Variants in FAT3 observed in about 807,000 individuals in gnomAD.
FAT3 encodes the protein protocadherin Fat 3.
A neutral mutation model predicts 310.2 loss-of-function variants in FAT3; 95 were observed. The observed-to-expected ratio is 0.31, with a 90% confidence interval of 0.26 to 0.36. The LOEUF is 0.36. FAT3 is among the 10% of genes least tolerant of loss of function. The probability of loss-of-function intolerance (pLI) is 1.00; values close to 1 mark genes in which losing one functional copy is unlikely to be tolerated. For missense variants in FAT3, 5,408 were observed against 5,715.6 expected, an observed-to-expected ratio of 0.95 and a Z score of 1.74; for synonymous variants, 2,314 against 2,192.9, an observed-to-expected ratio of 1.06 and a Z score of -1.54.
At chr11:92,274,066 TA>T (rs1244543469) in intron 1 of FAT3, among the ~76,000 whole-genome samples, 1 of 152,138 alleles carries the variant, frequency 6.6e-6, no homozygotes, top group Non-Finnish European at 1.5e-5. Flanking sequence ...GCTTCCTTAT[TA>T]AAAAATTAAG....
At chr11:92,497,172 G>C (rs2135258704) in intron 2 of FAT3, among the ~76,000 whole-genome samples, 1 of 152,044 alleles carries the variant, frequency 6.6e-6, no homozygotes, top group South Asian at 2.1e-4. Context: ...CTAATTTAGT[G>C]CCCAGCTAGT....
intron 3 of FAT3, among the ~76,000 whole-genome samples, chr11:92,627,133 C>G (rs1358172945): frequency 3.9e-5 from 6 of 152,104 alleles, no homozygotes; most frequent in African/African-American, 1.4e-4. Context: ...TTGTCTAATA[C>G]TTGGGGTCTT....
intron 2 of FAT3, chr11:92,400,745 A>T (rs1949995217): frequency 6.6e-6 from 1 of 152,140 alleles, no homozygotes; most frequent in South Asian, 2.1e-4. Context: ...TAAATATAAT[A>T]CATAATAAAG....
intron 2 of FAT3, among the ~76,000 whole-genome samples, chr11:92,518,424 C>A (rs1953565821): frequency 6.6e-6 from 1 of 151,992 alleles, no homozygotes; most frequent in Non-Finnish European, 1.5e-5. Flanking sequence ...GAAAACCAGA[C>A]CCTGCACGTT....
chr11:92,538,950 C>T (rs930047901), intron 3 of FAT3, among the ~76,000 whole-genome samples: 35 of 152,036 alleles, frequency 2.3e-4, no homozygotes, highest in African/African-American at 6.8e-4. Flanking sequence ...AGGCAGAAAA[C>T]GCTCAGCCTC....
intron 2 of FAT3, among the ~76,000 whole-genome samples, chr11:92,463,392 G>C (rs1365687453): frequency 6.6e-6 from 1 of 152,124 alleles, no homozygotes; most frequent in Non-Finnish European, 1.5e-5. Flanking sequence ...CAAATTCCAG[G>C]TCTGCCAGCT....
chr11:92,606,120 T>G (rs918370913), intron 3 of FAT3, among the ~76,000 whole-genome samples: 2 of 152,200 alleles, frequency 1.3e-5, no homozygotes, highest in African/African-American at 4.8e-5. Context: ...GACTCCCTCC[T>G]GATTTATATT....
At chr11:92,491,494 T>TA (rs1215073075) in intron 2 of FAT3, among the ~76,000 whole-genome samples, 6 of 152,026 alleles carry the variant, frequency 3.9e-5, no homozygotes, top group African/African-American at 1.2e-4. Flanking sequence ...ATTTTGAAGA[T>TA]AATTTAAAAT....
chr11:92,872,751 T>C (rs1413501590), intron 22 of FAT3, among the ~76,000 whole-genome samples: 2 of 152,218 alleles, frequency 1.3e-5, no homozygotes, highest in African/African-American at 4.8e-5. Context: ...GAGCCAGCTT[T>C]CCTAGGGAAA....
intron 2 of FAT3, among the ~76,000 whole-genome samples, chr11:92,357,828 C>T (rs549032158): frequency 2.0e-4 from 30 of 151,812 alleles, no homozygotes; most frequent in African/African-American, 4.8e-4. Flanking sequence ...AGAAAAGATA[C>T]GTATCTGCAT....
At chr11:92,493,254 T>C (rs1464147745) in intron 2 of FAT3, among the ~76,000 whole-genome samples, 1 of 152,046 alleles carries the variant, frequency 6.6e-6, no homozygotes, top group African/African-American at 2.4e-5. Flanking sequence ...GGCCTCTTGG[T>C]TTGTTTGCAT....
At chr11:92,462,487 T>G (rs1951661583) in intron 2 of FAT3, among the ~76,000 whole-genome samples, 2 of 152,146 alleles carry the variant, frequency 1.3e-5, no homozygotes, top group Non-Finnish European at 2.9e-5. Context: ...TTAAAGAAAT[T>G]TTATCTAAAG....
chr11:92,461,988 C>T (rs939981126), intron 2 of FAT3, among the ~76,000 whole-genome samples: 1 of 152,118 alleles, frequency 6.6e-6, no homozygotes. Flanking sequence ...CAGGAAAGCT[C>T]TTCGCAGTAT....
intron 1 of FAT3, among the ~76,000 whole-genome samples, chr11:92,291,011 T>G (rs1422698672): frequency 6.6e-6 from 1 of 151,562 alleles, no homozygotes; most frequent in Admixed American, 6.6e-5. Flanking sequence ...GCTGTCCTCT[T>G]AAGGTGTCAA....
intron 4 of FAT3, among the ~76,000 whole-genome samples, chr11:92,756,454 G>C (rs935523487): frequency 1.3e-5 from 2 of 152,158 alleles, no homozygotes; most frequent in Admixed American, 1.3e-4. Flanking sequence ...AGGGGAGGGG[G>C]ATATGTAATA....
chr11:92,369,850 C>CA lies in FAT3; in HGVS notation c.3292+14452dup, dbSNP rs1376345334. Among the ~76,000 whole-genome samples, 9 of 150,490 alleles carry CA rather than the reference C, an allele frequency of 6.0e-5. No individual in the cohort carries two copies. The East Asian group carries it at 1.7e-3, about 29-fold the overall frequency. On this transcript the variant is annotated intron_variant, in intron 2 of 27. Transcript: ENST00000525166. ...GACAGAGCAAAACTCTGTCTCAAAA[C>CA]AAAAAACAAACAAAAAAAACTGCAA...
Position 92,784,966 on chromosome 11 carries a change from G to A in FAT3, c.4336-4977G>A, listed in dbSNP as rs114293200. On this transcript the variant is annotated intron_variant, in intron 7 of 27. Coordinates refer to ENST00000525166, the MANE Select transcript of FAT3 (RefSeq NM_001367949.2). The stretch of plus-strand genomic sequence containing the variant: ...CTTGAACTTTCTGAATGAAAGAATT[G>A]GCATTCAAAGAATCTAGTATGGTTC... Among the ~76,000 whole-genome samples, 1,108 of 151,530 alleles carry A rather than the reference G, an allele frequency of 7.3e-3. 12 individuals are homozygous for A. The highest frequency in any genetic ancestry group is 0.026 in the African/African-American group (1,055 of 41,256).
At chr11:92,754,329 A>G (rs12270559) in intron 4 of FAT3, among the ~76,000 whole-genome samples, 40,239 of 151,566 alleles carry the variant, frequency 0.27, 6,906 homozygotes, top group African/African-American at 0.49. Context: ...TTCAGCCTTT[A>G]AAAAGAAGGA....
At chr11:92,547,615 C>G (rs1954657016) in intron 3 of FAT3, among the ~76,000 whole-genome samples, 1 of 152,066 alleles carries the variant, frequency 6.6e-6, no homozygotes, top group Admixed American at 6.6e-5. Context: ...CCCTACCTCC[C>G]CTGCTTCTGC....
Sources: allele counts gnomAD v4.1 joint callset (sites outside exome capture counted in the v4.1 genomes callset), GRCh38; gene constraint gnomAD v4.1.1; transcripts MANE v1.5; gene names NCBI Gene and HGNC (gene_info 2026-07-23, HGNC 2026-07-21).